Variants in MYO18B observed in about 807,000 individuals in gnomAD.
The protein encoded by MYO18B is myosin XVIIIB, also known as unconventional myosin-XVIIIb.
MYO18B carries 204 observed loss-of-function variants against 273.0 expected under a neutral mutation model. The observed-to-expected ratio is 0.75, with a 90% CI of 0.67 to 0.84. The LOEUF (loss-of-function observed/expected upper bound fraction) is 0.84, where lower values mean the gene tolerates loss of function less well. Ranked by LOEUF, MYO18B falls within the 40% of genes least tolerant of loss-of-function variation. MYO18B has a pLI of 0.00. For missense variants in MYO18B, 3,212 were observed against 3,287.6 expected (o/e 0.98, Z 0.56); for synonymous variants, 1,330 against 1,305.7 (o/e 1.02, Z -0.40).
chr22:25,876,937 A>C (rs2091216466), intron 24 of MYO18B: 2 of 152,146 alleles, frequency 1.3e-5, no homozygotes, highest in African/African-American at 4.8e-5. Context: ...TTATGGCTGC[A>C]TAGCCCTCCT....
intron 34 of MYO18B, among the ~76,000 whole-genome samples, chr22:25,928,164 T>C (rs2092447411): frequency 6.6e-6 from 1 of 152,030 alleles, no homozygotes; most frequent in Admixed American, 6.5e-5. Context: ...TGGAGCCAGT[T>C]CATGAATGGT....
At chr22:25,787,216 GA>G (rs938219792) in intron 11 of MYO18B, among the ~76,000 whole-genome samples, 2 of 146,236 alleles carry the variant, frequency 1.4e-5, no homozygotes, top group Non-Finnish European at 3.0e-5. Flanking sequence ...CTCTGTCTCA[GA>G]AAAAAAAAGA....
rs183329899 is a variant in MYO18B at position 25,975,108 on chromosome 22, G to A, written c.6157-17255G>A. Among the ~76,000 whole-genome samples the A allele has an allele frequency of 2.9e-3, 444 of 152,276 alleles. 1 individual carries two copies. In the Middle Eastern group the frequency reaches 0.041, roughly 14 times the overall value. ...CTGGGAAGGCAGAACTGATGGACCT[G>A]GCAAGAGTCAATGGGCCCCAGCTGC... is the stretch of plus-strand genomic sequence containing the variant. On this transcript the variant is annotated intron_variant, in intron 39 of 43. Transcript: ENST00000335473.
rs985182718 is a variant in MYO18B at position 25,847,291 on chromosome 22, T to C, written c.3553-139T>C. Reference sequence around the variant, plus strand: ...TTTCTCATGAGCACAAATCAGGCTGTAGGTGGGAGCTCCTTGGTGTGGGAC... The same window carrying C: ...TTTCTCATGAGCACAAATCAGGCTGCAGGTGGGAGCTCCTTGGTGTGGGAC... On this transcript the variant is annotated intron_variant, in intron 19 of 43. Coordinates refer to ENST00000335473, the MANE Select transcript of MYO18B (RefSeq NM_032608.7). 9 of 642,790 alleles carry C rather than the reference T, an allele frequency of 1.4e-5. No individual in the cohort carries two copies. In the African/African-American group the frequency reaches 1.5e-4, roughly 10 times the overall value. The allele number at this position is 642,790 out of a possible 1,614,324, so 39.8% of individuals were successfully genotyped here. A position where few individuals can be genotyped will look rare whatever the true frequency, so the allele number is the denominator to read the frequency against.
At position 25,878,053 on chromosome 22, in the gene MYO18B, C is replaced by T. The variant is rs746411977; in HGVS notation, c.4314+5C>T. ...ACAGATCTGCTAGAAAGCAAGGTATCCCCATCCCTCCTCTTGGGTCCTTGT... is the reference window on the plus strand; with the variant it reads ...ACAGATCTGCTAGAAAGCAAGGTATTCCCATCCCTCCTCTTGGGTCCTTGT... On this transcript the variant is annotated splice_donor_5th_base_variant and intron_variant, in intron 25 of 43. Coordinates refer to ENST00000335473, the MANE Select transcript of MYO18B (RefSeq NM_032608.7). 7.0e-6 allele frequency: 11 copies of T among 1,571,806 alleles called. No individual in the cohort carries two copies. Among genetic ancestry groups the T allele is most frequent in the Non-Finnish European group, 4.3e-6 (5 of 1,157,804 alleles).
chr22:26,019,742 G>A (rs1037244431), intron 42 of MYO18B, among the ~76,000 whole-genome samples: 1 of 152,080 alleles, frequency 6.6e-6, no homozygotes, highest in Middle Eastern at 3.2e-3. Context: ...TGAAGAACGG[G>A]GGGTGACAGC....
chr22:25,975,089 AG>A (rs2093074662), intron 39 of MYO18B, among the ~76,000 whole-genome samples: 1 of 152,210 alleles, frequency 6.6e-6, no homozygotes, highest in African/African-American at 2.4e-5. Flanking sequence ...GTGCCTGGGA[AG>A]GCAGAACTGA....
chr22:26,057,926 AT>A, the MYO18B span, among the ~76,000 whole-genome samples: 3 of 152,216 alleles, frequency 2.0e-5, no homozygotes, highest in Non-Finnish European at 4.4e-5. Context: ...CATCACCCTT[AT>A]AACCAAATAG....
At chr22:25,923,257 T>C (rs547244168) in intron 34 of MYO18B, among the ~76,000 whole-genome samples, 3 of 152,330 alleles carry the variant, frequency 2.0e-5, no homozygotes, top group Admixed American at 6.5e-5. Flanking sequence ...ATCTCCTTTA[T>C]CAAATCATTC....
At chr22:25,869,666 G>A (rs1240277167) in intron 22 of MYO18B, among the ~76,000 whole-genome samples, 9 of 151,988 alleles carry the variant, frequency 5.9e-5, no homozygotes, top group Non-Finnish European at 1.0e-4. Context: ...CTCTCCAGGA[G>A]CCCACCAGGG....
rs1378886702 is a variant in MYO18B, at chr22:25,876,322, G to A, written c.4214G>A (p.Arg1405Gln). ...GCCACCATTGGAACTGAGCAGCTCC[G>A]AGCCAAGGAGGTCAGTCTATGTGGC... ...LSATIGTEQL[R>Q]AKEEELTTLR... Residue 1405 changes from arginine to glutamine, a missense_variant, in exon 24 of 44, where the codon CGA (arginine) becomes CAA (glutamine). Physicochemically the swap from Arg to Gln is conservative, Grantham distance 43 (BLOSUM62 1). Transcript: ENST00000335473. 9.9e-6 allele frequency: 16 copies of A among 1,610,772 alleles called. No individual in the cohort carries two copies. The highest frequency in any genetic ancestry group is 1.3e-5 in the Non-Finnish European group (15 of 1,178,124).
At chr22:25,857,090 T>A (rs145538607) in intron 21 of MYO18B, among the ~76,000 whole-genome samples, 1 of 152,334 alleles carries the variant, frequency 6.6e-6, no homozygotes, top group East Asian at 1.9e-4. Context: ...GTTCCATTCC[T>A]GTCTCCCAGG....
At position 25,768,796 on chromosome 22, in the gene MYO18B, G is replaced by A. The variant is rs1279961582; in HGVS notation, c.880G>A (p.Glu294Lys). The A allele has an allele frequency of 1.9e-6, 3 of 1,610,068 alleles. No individual in the cohort carries two copies. Among genetic ancestry groups the A allele is most frequent in the East Asian group, 2.2e-5 (1 of 44,764 alleles). The change falls in exon 4 of 44, where the codon GAA (glutamate) becomes AAA (lysine). Residue 294 changes from glutamate to lysine, a missense_variant. Glu to Lys is a moderately conservative substitution (Grantham distance 56, BLOSUM62 1). Coordinates refer to ENST00000335473, the MANE Select transcript of MYO18B (RefSeq NM_032608.7). ...KEGAEPTNTV[E>K]KGNVSKDVGS... ...GGGAGCAGAGCCCACAAACACGGTG[G>A]AAAAGGGGAATGTCTCTAAGGACGT...
In MYO18B at chr22:25,989,626, CAAAAAAAAAAA is replaced by C. The variant is rs56004208; in HGVS notation, c.6157-2721_6157-2711del. On this transcript the variant is annotated intron_variant, in intron 39 of 43. Coordinates refer to ENST00000335473, the MANE Select transcript of MYO18B (RefSeq NM_032608.7). ...TGAAACCCTGTCTCTACTAAAAATA[CAAAAAAAAAAA>C]AAAAAAAAAAAAAAAGCCAGCGTGG... 3.3e-4 allele frequency among the ~76,000 whole-genome samples: 29 copies of C among 88,596 alleles called. 1 individual carries two copies. Among genetic ancestry groups the C allele is most frequent in the South Asian group, 1.6e-3 (4 of 2,550 alleles). 58.1% of individuals were successfully genotyped at this position (88,596 alleles called of 152,430 possible). A position where few individuals can be genotyped will look rare whatever the true frequency, so the allele number is the denominator to read the frequency against.
intron 18 of MYO18B, among the ~76,000 whole-genome samples, chr22:25,845,383 G>A (rs1350527441): frequency 1.3e-5 from 2 of 152,186 alleles, no homozygotes; most frequent in Non-Finnish European, 2.9e-5. Flanking sequence ...TGGGCCTGGT[G>A]GCGTGTGCCT....
chr22:25,812,715 G>T (rs2088817714), intron 12 of MYO18B, among the ~76,000 whole-genome samples: 1 of 152,166 alleles, frequency 6.6e-6, no homozygotes. Flanking sequence ...AAGAGCCAAG[G>T]AGTCACTTGC....
chr22:25,865,929 C>CTACA (rs1280384597), intron 21 of MYO18B, among the ~76,000 whole-genome samples: 2 of 152,012 alleles, frequency 1.3e-5, no homozygotes, highest in African/African-American at 2.4e-5. Context: ...TTTCTACCAC[C>CTACA]TACAGCTCCC....
rs534585628 is a variant in MYO18B, at chr22:25,809,935, T to A, written c.2521+11838T>A. Among the ~76,000 whole-genome samples the A allele has an allele frequency of 1.3e-4, 19 of 150,960 alleles. 1 individual carries two copies. The South Asian group carries it at 2.1e-3, about 17-fold the overall frequency. On this transcript the variant is annotated intron_variant, in intron 12 of 43. Coordinates refer to ENST00000335473, the MANE Select transcript of MYO18B (RefSeq NM_032608.7). ...CCAGTCTTATTTTAAAGCAATCATA[T>A]GAGGAATACGTCAATGTTGTATGTC...
intron 34 of MYO18B, among the ~76,000 whole-genome samples, chr22:25,943,991 G>A (rs555042596): frequency 6.6e-6 from 1 of 152,056 alleles, no homozygotes; most frequent in East Asian, 1.9e-4. Context: ...CACAGTGCTG[G>A]GATTACAGGT....
Sources: allele counts gnomAD v4.1 joint callset (sites outside exome capture counted in the v4.1 genomes callset), GRCh38; gene constraint gnomAD v4.1.1; transcripts MANE v1.5; gene names NCBI Gene and HGNC (gene_info 2026-07-23, HGNC 2026-07-21).